PPP2R5C: variants seen among roughly 807,000 people sequenced by gnomAD.
The protein encoded by PPP2R5C is protein phosphatase 2 regulatory subunit B'gamma.
PPP2R5C carries 7 observed loss-of-function variants against 68.9 expected under a neutral mutation model. That is an observed-to-expected ratio of 0.10 (90% CI 0.06 to 0.19). The LOEUF (loss-of-function observed/expected upper bound fraction) is 0.19. Among genes scored for constraint, PPP2R5C ranks in the 10% least tolerant of loss-of-function variants. The probability of loss-of-function intolerance (pLI) is 1.00; values close to 1 mark genes in which losing one functional copy is unlikely to be tolerated. For missense variants in PPP2R5C, 348 were observed against 641.3 expected, an observed-to-expected ratio of 0.54 and a Z score of 4.94; for synonymous variants, 210 against 222.2, an observed-to-expected ratio of 0.95 and a Z score of 0.49.
At chr14:101,836,730 G>A (rs1458727640) in intron 1 of PPP2R5C, 5 of 221,086 alleles carry the variant, frequency 2.3e-5, no homozygotes, top group Admixed American at 5.1e-5. Flanking sequence ...AGAAGAGATA[G>A]GTAATATATA....
intron 2 of PPP2R5C, among the ~76,000 whole-genome samples, chr14:101,778,931 G>A (rs2037547631): frequency 6.6e-6 from 1 of 152,104 alleles, no homozygotes; most frequent in Non-Finnish European, 1.5e-5. Flanking sequence ...GTGGTGGTGA[G>A]TGCCTGTAGA....
At chr14:101,870,144 C>G (rs2043312733) in intron 2 of PPP2R5C, among the ~76,000 whole-genome samples, 1 of 138,690 alleles carries the variant, frequency 7.2e-6, no homozygotes, top group African/African-American at 2.7e-5. Context: ...AATATTTTCT[C>G]TCAGTCTGTA....
chr14:101,908,488 C>T (rs1489945285), intron 10 of PPP2R5C, among the ~76,000 whole-genome samples: 1 of 152,188 alleles, frequency 6.6e-6, no homozygotes, highest in Non-Finnish European at 1.5e-5. Flanking sequence ...ATTCTCCCAC[C>T]TCAGCCTCCC....
At chr14:101,783,357 A>G (rs1362738540) in intron 2 of PPP2R5C, among the ~76,000 whole-genome samples, 1 of 148,388 alleles carries the variant, frequency 6.7e-6, no homozygotes, top group Admixed American at 6.7e-5. Flanking sequence ...AGGGACAGAC[A>G]ATGTCTCATG....
intron 3 of PPP2R5C, among the ~76,000 whole-genome samples, chr14:101,795,051 A>G (rs1439262081): frequency 6.6e-6 from 1 of 152,184 alleles, no homozygotes. Flanking sequence ...CTTGTTTCTG[A>G]CATTAGTGGG....
At chr14:101,923,342 T>G (rs373793501) in intron 13 of PPP2R5C, among the ~76,000 whole-genome samples, 39 of 152,356 alleles carry the variant, frequency 2.6e-4, no homozygotes, top group East Asian at 1.2e-3. Context: ...TGTTGCCTTT[T>G]TCTATGAATA....
intron 1 of PPP2R5C, among the ~76,000 whole-genome samples, chr14:101,811,158 T>C (rs1262452662): frequency 1.3e-5 from 2 of 152,152 alleles, no homozygotes; most frequent in African/African-American, 2.4e-5. Flanking sequence ...CTCCAAACTA[T>C]CTTTCATGAA....
At chr14:101,907,212 C>T (rs2046081275) in intron 10 of PPP2R5C, among the ~76,000 whole-genome samples, 1 of 151,904 alleles carries the variant, frequency 6.6e-6, no homozygotes, top group Non-Finnish European at 1.5e-5. Flanking sequence ...GCTATGTCCC[C>T]CCGGCTGGAG....
intron 1 of PPP2R5C, among the ~76,000 whole-genome samples, chr14:101,822,280 G>A (rs2040131991): frequency 6.6e-6 from 1 of 152,076 alleles, no homozygotes; most frequent in African/African-American, 2.4e-5. Context: ...AGAGGGAATT[G>A]GAAGAATTCT....
exon 1 of PPP2R5C, chr14:101,810,025 T>A: frequency 6.2e-7 from 1 of 1,613,834 alleles, no homozygotes; most frequent in Non-Finnish European, 8.5e-7. Flanking sequence ...GTGGTCCTTC[T>A]CCATATTCGA....
chr14:101,877,833 C>T lies in PPP2R5C; in HGVS notation c.295-4328C>T, dbSNP rs556766194. 2.6e-5 allele frequency among the ~76,000 whole-genome samples: 4 copies of T among 152,080 alleles called. No homozygotes were observed. Among genetic ancestry groups the T allele is most frequent in the South Asian group, 4.2e-4 (2 of 4,812 alleles). ...GAAGTTAGGAGTGCAAGTTTTTTTCCTTACACATGAGAAATGACTTTCAAT... is the reference window on the plus strand; with the variant it reads ...GAAGTTAGGAGTGCAAGTTTTTTTCTTTACACATGAGAAATGACTTTCAAT... On this transcript the variant is annotated intron_variant, in intron 2 of 13. Transcript: ENST00000334743. This position sits in a 1 kb window ranked among gnomAD's most constrained non-coding sequence, Gnocchi z 4.2.
At position 101,764,030 on chromosome 14, in the gene PPP2R5C, G is replaced by GTGTGTGT. The variant is rs1462659583; in HGVS notation, c.93+1060_93+1061insTGTGTGT. Among the ~76,000 whole-genome samples the GTGTGTGT allele has an allele frequency of 2.8e-3, 404 of 146,244 alleles. 3 individuals are homozygous for GTGTGTGT. Among genetic ancestry groups the GTGTGTGT allele is most frequent in the East Asian group, 0.021 (105 of 5,078 alleles). The stretch of plus-strand genomic sequence containing the variant: ...GTGTGTGTGTGTGTGTGTGTGTGTG[G>GTGTGTGT]GCGCGCGCACTTGCGCGTCGGCCAC... On this transcript the variant is annotated intron_variant, in intron 2 of 14. Coordinates refer to the PPP2R5C transcript ENST00000328724.
At chr14:101,843,184 C>T (rs963741180) in intron 1 of PPP2R5C, among the ~76,000 whole-genome samples, 19 of 152,168 alleles carry the variant, frequency 1.2e-4, no homozygotes, top group African/African-American at 4.6e-4. Flanking sequence ...GCTGTGATCA[C>T]ACCACTGCAC....
At chr14:101,895,952 C>T (rs1028507715) in intron 8 of PPP2R5C, among the ~76,000 whole-genome samples, 2 of 152,158 alleles carry the variant, frequency 1.3e-5, no homozygotes, top group African/African-American at 4.8e-5. Flanking sequence ...ACAAAGGCTC[C>T]CATCTCCCCA....
At chr14:101,852,274 C>G (rs974154382) in intron 1 of PPP2R5C, among the ~76,000 whole-genome samples, 4 of 152,146 alleles carry the variant, frequency 2.6e-5, no homozygotes, top group Non-Finnish European at 4.4e-5. Context: ...GAAACGCATT[C>G]AATTTCTGTA....
In PPP2R5C at chr14:101,882,945, G is replaced by C. The variant is rs1423030852; in HGVS notation, c.406-312G>C. ...GGCTGCAAATCCCCCCTGCAGAGTT[G>C]GGTCATGGCTTGGTTTGTGGCATCT... On this transcript the variant is annotated intron_variant, in intron 3 of 13. Coordinates refer to ENST00000334743, the Ensembl canonical transcript of PPP2R5C. The surrounding 1 kb of genome is among the most constrained non-coding windows in gnomAD (Gnocchi z 4.9). 4.0e-6 allele frequency: 1 copy of C among 249,794 alleles called. No individual in the cohort carries two copies. Among genetic ancestry groups the C allele is most frequent in the Non-Finnish European group, 7.6e-6 (1 of 131,888 alleles). 15.5% of individuals were successfully genotyped at this position (249,794 alleles called of 1,614,324 possible). A position where few individuals can be genotyped will look rare whatever the true frequency, so the allele number is the denominator to read the frequency against.
intron 10 of PPP2R5C, among the ~76,000 whole-genome samples, chr14:101,907,363 GT>G (rs1212034791): frequency 1.3e-5 from 2 of 151,850 alleles, no homozygotes; most frequent in African/African-American, 2.4e-5. Flanking sequence ...TAGAGATGGG[GT>G]TTTGCCATGT....
intron 13 of PPP2R5C, 114 bp downstream of exon 15, chr14:101,918,061 C>T (rs2046783362): frequency 1.4e-6 from 2 of 1,444,166 alleles, no homozygotes; most frequent in Admixed American, 4.5e-5. Context: ...GAAATTAAAA[C>T]TTAAATTTTG....
chr14:101,874,929 A>G lies in PPP2R5C; in HGVS notation c.295-7232A>G, dbSNP rs752705466. 2.2e-4 allele frequency among the ~76,000 whole-genome samples: 33 copies of G among 152,246 alleles called. 1 individual carries two copies. Among genetic ancestry groups the G allele is most frequent in the South Asian group, 6.2e-4 (3 of 4,824 alleles). ...TAATTTTTGTATTTTTAGTAGAGAC[A>G]GGGTTTTGCCATGTTGGCCAGGCTG... On this transcript the variant is annotated intron_variant, in intron 2 of 13. Coordinates refer to ENST00000334743, the Ensembl canonical transcript of PPP2R5C.
Sources: allele counts gnomAD v4.1 joint callset (sites outside exome capture counted in the v4.1 genomes callset), GRCh38; gene constraint gnomAD v4.1.1; non-coding constraint Gnocchi (gnomAD v3.1); transcripts MANE v1.5; gene names NCBI Gene and HGNC (gene_info 2026-07-23, HGNC 2026-07-21).